Variants in IGFL2 observed in about 807,000 individuals in gnomAD.
The protein encoded by IGFL2 is IGF like family member 2.
IGFL2 carries 7 observed loss-of-function variants against 13.9 expected under a neutral mutation model. The observed-to-expected ratio is 0.51, with a 90% CI of 0.29 to 0.95. The LOEUF (loss-of-function observed/expected upper bound fraction) is 0.95, where lower values mean the gene tolerates loss of function less well. IGFL2 is among the 40% of genes least tolerant of loss of function. The pLI, the probability that IGFL2 is intolerant of heterozygous loss-of-function variation, is 0.08. For missense variants in IGFL2, 138 were observed against 147.8 expected (o/e 0.93, Z 0.34); for synonymous variants, 55 against 55.8 (o/e 0.99, Z 0.07).
chr19:46,100,571 T>C, the IGFL2 span, among the ~76,000 whole-genome samples: 1 of 152,206 alleles, frequency 6.6e-6, no homozygotes, highest in South Asian at 2.1e-4. Context: ...CAATCAGATA[T>C]GCATTAGTGT....
chr19:46,202,131 G>A, the IGFL2 span, among the ~76,000 whole-genome samples: 3 of 152,218 alleles, frequency 2.0e-5, no homozygotes, highest in African/African-American at 7.2e-5. Context: ...GGAGACTGAA[G>A]GAACAGACAG....
chr19:46,081,511 A>G, the IGFL2 span, among the ~76,000 whole-genome samples: 8 of 152,074 alleles, frequency 5.3e-5, no homozygotes, highest in African/African-American at 1.7e-4. Context: ...CAGTGTTGCA[A>G]TTCGTTATTG....
At chr19:46,153,163 C>G (rs947746126) in intron 1 of IGFL2, among the ~76,000 whole-genome samples, 2 of 152,090 alleles carry the variant, frequency 1.3e-5, no homozygotes, top group Admixed American at 6.6e-5. Context: ...GTTTCGGTAT[C>G]AGGGTAATAC....
chr19:46,084,863 C>T, the IGFL2 span, among the ~76,000 whole-genome samples: 1 of 152,192 alleles, frequency 6.6e-6, no homozygotes, highest in East Asian at 1.9e-4. Context: ...CATTCCACCC[C>T]TGTCTCCACA....
chr19:46,089,048 T>C, the IGFL2 span, among the ~76,000 whole-genome samples: 1 of 152,242 alleles, frequency 6.6e-6, no homozygotes, highest in Non-Finnish European at 1.5e-5. Flanking sequence ...ATAGATCCTT[T>C]GTTTCTTTCT....
chr19:46,080,375 C>T, the IGFL2 span, among the ~76,000 whole-genome samples: 1 of 151,736 alleles, frequency 6.6e-6, no homozygotes, highest in Non-Finnish European at 1.5e-5. Flanking sequence ...AGGGAGATCC[C>T]ATCTCTATTT....
chr19:46,149,522 C>T (rs1489978263), intron 1 of IGFL2, among the ~76,000 whole-genome samples: 1 of 151,696 alleles, frequency 6.6e-6, no homozygotes, highest in Non-Finnish European at 1.5e-5. Flanking sequence ...GCCCATTTAG[C>T]TGTTCCTCTC....
chr19:46,137,422 A>T, the IGFL2 span: 1 of 1,027,650 alleles, frequency 9.7e-7, no homozygotes, highest in Non-Finnish European at 1.5e-6. Flanking sequence ...GCTCGGAAGG[A>T]TGGACATTGT....
At chr19:46,127,469 A>G in the IGFL2 span, among the ~76,000 whole-genome samples, 2 of 152,356 alleles carry the variant, frequency 1.3e-5, no homozygotes, top group African/African-American at 4.8e-5. Context: ...CTTAGTCTAA[A>G]TTTTCTTGAA....
the IGFL2 span, chr19:46,113,525 A>G: frequency 5.8e-6 from 2 of 344,266 alleles, no homozygotes; most frequent in Non-Finnish European, 1.2e-5. Context: ...CTTTAACCTC[A>G]GTTGTCACAG....
rs11668140 is a variant in IGFL2 at position 46,157,115 on chromosome 19, A to G, written c.20-3300A>G. Among the ~76,000 whole-genome samples the G allele has an allele frequency of 9.2e-3, 1,405 of 152,334 alleles. 14 individuals are homozygous for G. Among genetic ancestry groups the G allele is most frequent in the Non-Finnish European group, 0.014 (965 of 68,006 alleles). On this transcript the variant is annotated intron_variant, in intron 1 of 3. Transcript: ENST00000377693. ...TTAGTAGCCTTATAACTATTAAGGA[A>G]ATAGAATTCAGAATTTAAAATATCT...
intron 1 of IGFL2, among the ~76,000 whole-genome samples, chr19:46,150,854 A>T (rs1286977724): frequency 6.6e-6 from 1 of 152,060 alleles, no homozygotes; most frequent in Non-Finnish European, 1.5e-5. Context: ...TTTCATAGAG[A>T]CGATGTCTCA....
At chr19:46,207,426 G>T in the IGFL2 span, 1 of 151,604 alleles carries the variant, frequency 6.6e-6, no homozygotes, top group African/African-American at 2.4e-5. Flanking sequence ...CTGTCACCCA[G>T]GCTGAAGTGC....
chr19:46,090,553 T>G, the IGFL2 span, among the ~76,000 whole-genome samples: 1 of 152,230 alleles, frequency 6.6e-6, no homozygotes, highest in African/African-American at 2.4e-5. Flanking sequence ...CTGGACAGAC[T>G]GGTGTGATCT....
chr19:46,165,164 C>G (rs113935335), downstream of IGFL2, among the ~76,000 whole-genome samples: 4,448 of 152,228 alleles, frequency 0.029, 200 homozygotes, highest in African/African-American at 0.097. Flanking sequence ...TGAATACAAA[C>G]CTTGGGTGTT....
chr19:46,127,640 G>T, the IGFL2 span, among the ~76,000 whole-genome samples: 1 of 152,190 alleles, frequency 6.6e-6, no homozygotes, highest in Non-Finnish European at 1.5e-5. Context: ...TAGGTGGGTA[G>T]ATAGGTAGGT....
At chr19:46,199,056 T>A in the IGFL2 span, among the ~76,000 whole-genome samples, 1 of 151,754 alleles carries the variant, frequency 6.6e-6, no homozygotes, top group East Asian at 1.9e-4. Flanking sequence ...CAGATTTGGG[T>A]CTCATCCAGG....
the IGFL2 span, among the ~76,000 whole-genome samples, chr19:46,202,072 C>T: frequency 1.3e-5 from 2 of 151,804 alleles, no homozygotes; most frequent in Non-Finnish European, 2.9e-5. Context: ...GGGGAGAGGT[C>T]GGATGAGTTC....
the IGFL2 span, among the ~76,000 whole-genome samples, chr19:46,177,987 TAGAG>T: frequency 1.1e-4 from 16 of 152,100 alleles, no homozygotes; most frequent in Non-Finnish European, 1.8e-4. Flanking sequence ...AACATTAAAA[TAGAG>T]AGCGTGGCCG....
Sources: gnomAD v4.1 joint callset for allele counts (sites outside exome capture counted in the v4.1 genomes callset) on GRCh38, gnomAD v4.1.1 for gene constraint, MANE v1.5 for transcripts, NCBI Gene and HGNC (gene_info 2026-07-23, HGNC 2026-07-21) for gene names.